Variants in CATSPERD observed in about 807,000 individuals in gnomAD.
The protein encoded by CATSPERD is cation channel sperm-associated auxiliary subunit delta.
In CATSPERD, 86 loss-of-function variants were observed where a neutral mutation model predicts 98.1. The observed-to-expected ratio is 0.88, with a 90% CI of 0.74 to 1.05. The LOEUF is 1.05. CATSPERD is among the 50% of genes least tolerant of loss of function. The pLI, the probability that CATSPERD is intolerant of heterozygous loss-of-function variation, is 0.00. For synonymous variants in CATSPERD, 394 were observed against 390.2 expected (o/e 1.01, Z -0.12); for missense variants, 995 against 1,005.7 (o/e 0.99, Z 0.14).
chr19:5,754,723 G>A (rs577469523), intron 13 of CATSPERD, among the ~76,000 whole-genome samples: 1 of 151,854 alleles, frequency 6.6e-6, no homozygotes, highest in Non-Finnish European at 1.5e-5. Flanking sequence ...CCCCCTCGAC[G>A]TGCCTCTGCA....
chr19:5,743,977 ATTTCT>A lies in CATSPERD; in HGVS notation c.574-436_574-432del, dbSNP rs1044404823. The stretch of plus-strand genomic sequence containing the variant: ...TTCAAGTTTTTGCCCCAAGTGTCAC[ATTTCT>A]TTTCTTTTCTTTTTTGAGACAAGGT... On this transcript the variant is annotated intron_variant, in intron 7 of 21. Transcript: ENST00000381624. 1.2e-3 allele frequency among the ~76,000 whole-genome samples: 188 copies of A among 151,966 alleles called. 2 individuals are homozygous for A. The highest frequency in any genetic ancestry group is 3.8e-3 in the African/African-American group (157 of 41,494).
chr19:5,720,999 CT>C (rs754682545), intron 1 of CATSPERD, among the ~76,000 whole-genome samples, 191 bp downstream of exon 1: 6,626 of 138,640 alleles, frequency 0.048, 303 homozygotes, highest in African/African-American at 0.14. Context: ...TCTCCTACCT[CT>C]TTTTTTTTTT....
chr19:5,734,050 G>A (rs2055790549), intron 5 of CATSPERD, 80 bp downstream of exon 5: 4 of 807,154 alleles, frequency 5.0e-6, no homozygotes, highest in African/African-American at 1.8e-5. Context: ...GGAAGTATAA[G>A]CGATGCTCCT....
At position 5,776,085 on chromosome 19, in the gene CATSPERD, C is replaced by T. The variant is rs982597496; in HGVS notation, c.1942-76C>T. ...ATGAGGACTGGGGTGGGTGCAGGGCCTCCGCAGGGAGGAGGGAGGCTCAGG... is the reference window on the plus strand; with the variant it reads ...ATGAGGACTGGGGTGGGTGCAGGGCTTCCGCAGGGAGGAGGGAGGCTCAGG... On this transcript the variant is annotated intron_variant, in intron 20 of 21. Coordinates refer to ENST00000381624, the MANE Select transcript of CATSPERD (RefSeq NM_152784.4). The T allele has an allele frequency of 2.6e-6, 4 of 1,524,870 alleles. No individual in the cohort carries two copies. In the African/African-American group the frequency reaches 4.1e-5, roughly 16 times the overall value. 94.5% of individuals were successfully genotyped at this position (1,524,870 alleles called of 1,614,324 possible).
chr19:5,751,862 G>A, intron 12 of CATSPERD, 39 bp downstream of exon 12: 1 of 1,556,686 alleles, frequency 6.4e-7, no homozygotes, highest in Non-Finnish European at 8.7e-7. Context: ...GTTCAATGTA[G>A]TTTTTAAAGA....
chr19:5,727,337 T>A lies in CATSPERD; in HGVS notation c.196T>A (p.Tyr66Asn). ...TCCTTGCGAGAAAAATATAGCACTA[T>A]ATCTAGGGTAAGTGGCAATTTTATG... ...KHPCEKNIALYLGKQVFFTMD... is the reference protein window; with the variant it reads ...KHPCEKNIALNLGKQVFFTMD... The change falls in exon 3 of 22, where the codon TAT becomes AAT. Residue 66 changes from tyrosine (Y) to asparagine (N), a missense_variant. By Grantham distance (143) the Tyr-to-Asn change is moderately radical (BLOSUM62 -2). Transcript: ENST00000381624. The A allele has an allele frequency of 6.2e-7, 1 of 1,609,470 alleles. No individual in the cohort carries two copies. The highest frequency in any genetic ancestry group is 8.5e-7 in the Non-Finnish European group (1 of 1,175,876).
At chr19:5,774,478 A>G (rs2056705857) in intron 20 of CATSPERD, among the ~76,000 whole-genome samples, 1 of 150,910 alleles carries the variant, frequency 6.6e-6, no homozygotes, top group South Asian at 2.1e-4. Flanking sequence ...AGATTACTTG[A>G]GGACAGGAGT....
At chr19:5,764,070 A>T (rs1279312199) in intron 16 of CATSPERD, among the ~76,000 whole-genome samples, 2 of 151,274 alleles carry the variant, frequency 1.3e-5, no homozygotes, top group Non-Finnish European at 1.5e-5. Flanking sequence ...GCTGGTCTTG[A>T]ACTCCTGACC....
intron 18 of CATSPERD, among the ~76,000 whole-genome samples, 193 bp from the exon 19 acceptor site, chr19:5,770,751 A>G (rs2436496): frequency 0.067 from 10,209 of 152,238 alleles, 497 homozygotes; most frequent in Non-Finnish European, 0.1. Context: ...ACTATGCTCC[A>G]GCCAAAAAAT....
In CATSPERD at chr19:5,720,807, C is replaced by T. The variant is rs749504874; in HGVS notation, c.70C>T (p.Arg24Cys). 8 of 1,598,366 alleles carry T rather than the reference C, an allele frequency of 5.0e-6. No individual in the cohort carries two copies. The highest frequency in any genetic ancestry group is 1.1e-5 in the South Asian group (1 of 90,684). The change falls in exon 1 of 22, where the codon CGT becomes TGT. Residue 24 changes from arginine to cysteine, a missense_variant and splice_region_variant. Arg to Cys is a radical substitution (Grantham distance 180). Around this residue, in one of 3 missense-constraint regions of CATSPERD, gnomAD observed 228 missense variants for 209.6 expected, o/e 1.09. Coordinates refer to ENST00000381624, the MANE Select transcript of CATSPERD (RefSeq NM_152784.4). ...ACCGCTGGTCACAGCTCAGCTCTGT[C>T]GGTGGGGCTGCCAGGACTCCTGGGG... ...LRPLVTAQLCRSRTVRTGKVF... is the reference protein window; with the variant it reads ...LRPLVTAQLCCSRTVRTGKVF...
At chr19:5,772,566 G>A (rs1386530747) in intron 19 of CATSPERD, 1 of 547,254 alleles carries the variant, frequency 1.8e-6, no homozygotes, top group Non-Finnish European at 3.3e-6. Context: ...TCAATGCTCA[G>A]TGCTGGCTGC....
intron 8 of CATSPERD, among the ~76,000 whole-genome samples, chr19:5,745,037 G>C (rs1268624132): frequency 6.6e-6 from 1 of 151,860 alleles, no homozygotes; most frequent in Non-Finnish European, 1.5e-5. Context: ...CTGCCTCCCG[G>C]GCTCAAGTGA....
Position 5,763,847 on chromosome 19 carries a change from C to CTTTTTTTTTTTTTTTTTTTTTTT in CATSPERD, c.1506+572_1506+573insTTTTTTTTTTTTTTTTTTTTTTT, listed in dbSNP as rs56352544. 4.3e-4 allele frequency among the ~76,000 whole-genome samples: 27 copies of CTTTTTTTTTTTTTTTTTTTTTTT among 62,134 alleles called. 4 individuals are homozygous for CTTTTTTTTTTTTTTTTTTTTTTT. The highest frequency in any genetic ancestry group is 2.5e-3 in the East Asian group (5 of 2,018). 40.8% of individuals were successfully genotyped at this position (62,134 alleles called of 152,430 possible). Reference sequence around the variant, plus strand: ...TGTTGGCCAGGCTGGTCTTGAACTCCTTTTTTTTTTTTTTTTTTGACATGG... The same window carrying CTTTTTTTTTTTTTTTTTTTTTTT: ...TGTTGGCCAGGCTGGTCTTGAACTCCTTTTTTTTTTTTTTTTTTTTTTTTTTTTTTTTTTTTTTTTTGACATGG... On this transcript the variant is annotated intron_variant, in intron 16 of 21. Coordinates refer to ENST00000381624, the MANE Select transcript of CATSPERD (RefSeq NM_152784.4).
chr19:5,765,912 C>G (rs546472945), intron 16 of CATSPERD, among the ~76,000 whole-genome samples, 191 bp from the exon 17 acceptor site: 1 of 152,216 alleles, frequency 6.6e-6, no homozygotes, highest in South Asian at 2.1e-4. Context: ...ATACCCCAGG[C>G]TCTCAGAGCT....
intron 1 of CATSPERD, among the ~76,000 whole-genome samples, chr19:5,722,887 A>G (rs917942591): frequency 6.6e-6 from 1 of 152,132 alleles, no homozygotes; most frequent in Non-Finnish European, 1.5e-5. Context: ...GGGTCTGTGA[A>G]GGAGCCTTTA....
intron 1 of CATSPERD, among the ~76,000 whole-genome samples, chr19:5,723,810 CTT>C (rs2055549669): frequency 7.1e-6 from 1 of 141,524 alleles, no homozygotes; most frequent in Non-Finnish European, 1.5e-5. Flanking sequence ...GAGTTTCACT[CTT>C]GTTGCCCGGG....
chr19:5,771,596 T>G (rs1351841841), intron 19 of CATSPERD, among the ~76,000 whole-genome samples: 1 of 151,444 alleles, frequency 6.6e-6, no homozygotes, highest in East Asian at 1.9e-4. Flanking sequence ...TTTTTTTTTT[T>G]TTTCCACTCT....
chr19:5,721,247 C>T (rs1274348609), intron 1 of CATSPERD, among the ~76,000 whole-genome samples: 4 of 152,186 alleles, frequency 2.6e-5, no homozygotes, highest in Non-Finnish European at 5.9e-5. Context: ...CGTGACCCGC[C>T]TGCCTCGGCC....
At chr19:5,763,353 G>C (rs547122435) in intron 16 of CATSPERD, 60 bp downstream of exon 16, 2 of 1,414,032 alleles carry the variant, frequency 1.4e-6, no homozygotes, top group Non-Finnish European at 1.0e-6. Context: ...ACTCATGGAA[G>C]CTGGCCCTGA....
Sources: gnomAD v4.1 joint callset for allele counts (sites outside exome capture counted in the v4.1 genomes callset) on GRCh38, gnomAD v4.1.1 for gene constraint, gnomAD v4.1.1 regional missense constraint, MANE v1.5 for transcripts, NCBI Gene and HGNC (gene_info 2026-07-23, HGNC 2026-07-21) for gene names.